C3orf20: variants seen among roughly 807,000 people sequenced by gnomAD.
C3orf20 encodes the protein uncharacterized protein C3orf20.
A neutral mutation model predicts 88.3 loss-of-function variants in C3orf20; 76 were observed. The ratio of observed to expected loss-of-function variants is 0.86; its 90% CI spans 0.72 to 1.04. The LOEUF (loss-of-function observed/expected upper bound fraction) is 1.04, where lower values mean the gene tolerates loss of function less well. Among genes scored for constraint, C3orf20 ranks in the 50% least tolerant of loss-of-function variants. The pLI is 0.00. For synonymous variants in C3orf20, 436 were observed against 437.4 expected (o/e 1.00, Z 0.04); for missense variants, 1,056 against 1,123.3 (o/e 0.94, Z 0.86).
intron 9 of C3orf20, among the ~76,000 whole-genome samples, chr3:14,717,175 A>G (rs1440874918): frequency 6.6e-6 from 1 of 152,220 alleles, no homozygotes; most frequent in African/African-American, 2.4e-5. Flanking sequence ...TCATCTATAC[A>G]AAGTGGGTCA....
chr3:14,729,407 A>T (rs2124990308), intron 12 of C3orf20, among the ~76,000 whole-genome samples: 1 of 152,296 alleles, frequency 6.6e-6, no homozygotes, highest in East Asian at 1.9e-4. Flanking sequence ...GTGAGAGAGT[A>T]AGAAGGCTAG....
At chr3:14,731,950 A>G (rs1469553486) in intron 12 of C3orf20, among the ~76,000 whole-genome samples, 1 of 152,248 alleles carries the variant, frequency 6.6e-6, no homozygotes. Context: ...TAAAACTGCT[A>G]TAAATACTGT....
chr3:14,771,704 T>C (rs79475041), intron 15 of C3orf20, among the ~76,000 whole-genome samples: 25 of 152,314 alleles, frequency 1.6e-4, no homozygotes, highest in African/African-American at 5.8e-4. Context: ...ACATATGTAT[T>C]TGGGGGACAT....
intron 7 of C3orf20, among the ~76,000 whole-genome samples, chr3:14,709,182 ATG>A (rs1491304361): frequency 6.6e-6 from 1 of 152,246 alleles, no homozygotes; most frequent in Non-Finnish European, 1.5e-5. Flanking sequence ...TCTTGTGTTC[ATG>A]GGGACAACTC....
At chr3:14,691,947 G>A (rs2032754636) in intron 5 of C3orf20, among the ~76,000 whole-genome samples, 1 of 152,058 alleles carries the variant, frequency 6.6e-6, no homozygotes, top group South Asian at 2.1e-4. Context: ...ATCTCCATGA[G>A]TTTAATTGTT....
chr3:14,753,276 G>C (rs1299974516), intron 12 of C3orf20, among the ~76,000 whole-genome samples: 1 of 152,146 alleles, frequency 6.6e-6, no homozygotes, highest in Non-Finnish European at 1.5e-5. Flanking sequence ...CTCATAAGTG[G>C]GAGTTGAACA....
At chr3:14,679,406 T>C (rs985177271) in intron 1 of C3orf20, among the ~76,000 whole-genome samples, 8 of 152,196 alleles carry the variant, frequency 5.3e-5, no homozygotes, top group African/African-American at 1.4e-4. Flanking sequence ...AATAGAGAGC[T>C]AAATAAAGTG....
chr3:14,729,472 G>C (rs907117104), intron 12 of C3orf20, among the ~76,000 whole-genome samples: 1 of 152,170 alleles, frequency 6.6e-6, no homozygotes. Context: ...CGACTGAGAC[G>C]TAGGCAGGAG....
rs907775430 is a variant in C3orf20 at position 14,744,381 on chromosome 3, C to T, written c.1941-12990C>T. On this transcript the variant is annotated intron_variant, in intron 12 of 16. Transcript: ENST00000253697. ...TCAGCCTGAATTTTATTGTCCATAT[C>T]GCTGTCAACATTTTGGGCAAAGCCA... Among the ~76,000 whole-genome samples, 72 of 151,934 alleles carry T rather than the reference C, an allele frequency of 4.7e-4. 2 individuals are homozygous for T. The highest frequency in any genetic ancestry group is 1.7e-3 in the African/African-American group (68 of 41,206).
intron 14 of C3orf20, among the ~76,000 whole-genome samples, chr3:14,760,891 T>C (rs1287764706): frequency 6.6e-6 from 1 of 152,190 alleles, no homozygotes; most frequent in African/African-American, 2.4e-5. Flanking sequence ...TGTCATTTTA[T>C]CTATTTGTGC....
chr3:14,690,930 G>T (rs966653697), intron 5 of C3orf20, among the ~76,000 whole-genome samples: 2 of 152,198 alleles, frequency 1.3e-5, no homozygotes, highest in African/African-American at 4.8e-5. Context: ...TTTCCTCCGT[G>T]CCCCAGCCCC....
At chr3:14,706,333 G>A (rs979721175) in intron 7 of C3orf20, among the ~76,000 whole-genome samples, 1 of 151,962 alleles carries the variant, frequency 6.6e-6, no homozygotes, top group Non-Finnish European at 1.5e-5. Context: ...AATGGGTTGT[G>A]TTGTGCCCCA....
intron 12 of C3orf20, among the ~76,000 whole-genome samples, chr3:14,749,459 G>A (rs1045903806): frequency 2.0e-5 from 3 of 152,206 alleles, no homozygotes; most frequent in African/African-American, 4.8e-5. Context: ...GCAGACACAT[G>A]CTACTGCATG....
chr3:14,765,823 T>C (rs533665062), intron 15 of C3orf20, among the ~76,000 whole-genome samples: 1 of 152,110 alleles, frequency 6.6e-6, no homozygotes, highest in East Asian at 1.9e-4. Flanking sequence ...GAAGCCGCCA[T>C]GGAGAGGCAA....
intron 10 of C3orf20, among the ~76,000 whole-genome samples, chr3:14,726,364 G>A (rs1231552612): frequency 6.6e-6 from 1 of 152,248 alleles, no homozygotes; most frequent in Non-Finnish European, 1.5e-5. Flanking sequence ...AGCAGCCACT[G>A]TTTTGACAGC....
chr3:14,754,870 A>G (rs1470211724), intron 12 of C3orf20, among the ~76,000 whole-genome samples: 1 of 151,986 alleles, frequency 6.6e-6, no homozygotes, highest in Non-Finnish European at 1.5e-5. Flanking sequence ...GACCACAGGC[A>G]TGTGCCACCA....
chr3:14,689,793 G>A (rs752148818), intron 4 of C3orf20, among the ~76,000 whole-genome samples: 20 of 152,196 alleles, frequency 1.3e-4, no homozygotes, highest in Non-Finnish European at 2.6e-4. Flanking sequence ...AGGCACTGCA[G>A]AGGGGAACTG....
At chr3:14,678,048 A>G (rs1231337421) in intron 1 of C3orf20, among the ~76,000 whole-genome samples, 1 of 151,878 alleles carries the variant, frequency 6.6e-6, no homozygotes, top group Non-Finnish European at 1.5e-5. Context: ...CCACCTCTAC[A>G]CTACCCTGTA....
intron 12 of C3orf20, among the ~76,000 whole-genome samples, chr3:14,733,303 A>G (rs2034598897): frequency 6.6e-6 from 1 of 152,162 alleles, no homozygotes; most frequent in South Asian, 2.1e-4. Flanking sequence ...TGTTCAACCA[A>G]TCTTGTATTC....
Sources: gnomAD v4.1 joint callset for allele counts (sites outside exome capture counted in the v4.1 genomes callset) on GRCh38, gnomAD v4.1.1 for gene constraint, MANE v1.5 for transcripts, NCBI Gene and HGNC (gene_info 2026-07-23, HGNC 2026-07-21) for gene names.